ATG16L2: variants seen among roughly 807,000 people sequenced by gnomAD.
The protein encoded by ATG16L2 is protein Atg16l2.
A neutral mutation model predicts 84.7 loss-of-function variants in ATG16L2; 77 were observed. The observed-to-expected ratio is 0.91, with a 90% CI of 0.76 to 1.10. The LOEUF (loss-of-function observed/expected upper bound fraction) is 1.10. ATG16L2 is among the 50% of genes least tolerant of loss of function. The pLI, the probability that ATG16L2 is intolerant of heterozygous loss-of-function variation, is 0.00. For missense variants in ATG16L2, 782 were observed against 817.6 expected (o/e 0.96, Z 0.53); for synonymous variants, 361 against 342.8 (o/e 1.05, Z -0.59).
rs528290577 is a variant in ATG16L2, at chr11:72,843,210, G to A, written c.*615G>A. ...TTCTGCTTCCGTGGAATTGCTGGAC[G>A]TGTGTGACCGACTGTCCAAAGCGGC... On this transcript the variant is annotated 3_prime_UTR_variant, in exon 6 of 6. Coordinates refer to the ATG16L2 transcript ENST00000534905. The A allele has an allele frequency of 2.9e-5, 47 of 1,614,008 alleles. No individual in the cohort carries two copies. The African/African-American group carries it at 3.7e-4, about 13-fold the overall frequency.
chr11:72,817,954 A>C, intron 3 of ATG16L2, 99 bp downstream of exon 3: 2 of 1,100,208 alleles, frequency 1.8e-6, no homozygotes, highest in Non-Finnish European at 2.6e-6. Context: ...CTCCAAGCCC[A>C]GTGCTGCAAG....
chr11:72,839,789 G>T (rs149313870), intron 5 of ATG16L2, among the ~76,000 whole-genome samples: 2 of 152,260 alleles, frequency 1.3e-5, no homozygotes, highest in East Asian at 3.9e-4. Flanking sequence ...GATCGGATTG[G>T]CAGTTATAAA....
intron 5 of ATG16L2, among the ~76,000 whole-genome samples, chr11:72,835,596 G>A (rs547722116): frequency 3.3e-5 from 5 of 152,136 alleles, no homozygotes; most frequent in Non-Finnish European, 7.3e-5. Context: ...AGACCTCCTG[G>A]CTCCTAAGTC....
intron 3 of ATG16L2, chr11:72,818,575 A>G (rs1360075772): frequency 1.3e-5 from 2 of 152,166 alleles, no homozygotes; most frequent in African/African-American, 4.8e-5. Context: ...TTTGGCCCAC[A>G]CCGTTTTGAG....
Position 72,816,713 on chromosome 11 carries a change from T to C in ATG16L2, c.119-15T>C. ...ATCTGTCTCTGCCCCAGGCTCACTC[T>C]CTTGCACTCTCCAGATAACCATCTC... On this transcript the variant is annotated splice_polypyrimidine_tract_variant and intron_variant, in intron 1 of 17. Coordinates refer to ENST00000321297, the MANE Select transcript of ATG16L2 (RefSeq NM_033388.2). The C allele has an allele frequency of 6.2e-7, 1 of 1,608,890 alleles. No individual in the cohort carries two copies.
At chr11:72,840,489 G>A (rs1412221568) in intron 5 of ATG16L2, among the ~76,000 whole-genome samples, 2 of 152,150 alleles carry the variant, frequency 1.3e-5, no homozygotes, top group Non-Finnish European at 2.9e-5. Context: ...GCTCTTTAAG[G>A]CCATGAAGTT....
chr11:72,824,853 A>T lies in ATG16L2; in HGVS notation c.996+11A>T. 2 of 1,571,164 alleles carry T rather than the reference A, an allele frequency of 1.3e-6. No individual in the cohort carries two copies. The highest frequency in any genetic ancestry group is 1.7e-6 in the Non-Finnish European group (2 of 1,158,664). ...GCTCAGGATGTGCTGGTAAGGGAGG[A>T]GCTGAGCCACATGGGTGGGGCAGTG... is the stretch of plus-strand genomic sequence containing the variant. On this transcript the variant is annotated intron_variant, in intron 9 of 17. Transcript: ENST00000321297.
At position 72,817,154 on chromosome 11, in the gene ATG16L2, A is replaced by T. The variant is rs372434092; in HGVS notation, c.218+327A>T. Among the ~76,000 whole-genome samples the T allele has an allele frequency of 1.7e-4, 26 of 152,156 alleles. No individual in the cohort carries two copies. In the South Asian group the frequency reaches 5.4e-3, roughly 32 times the overall value. On this transcript the variant is annotated intron_variant, in intron 2 of 17. Coordinates refer to ENST00000321297, the MANE Select transcript of ATG16L2 (RefSeq NM_033388.2). ...TTTCCCTGTTCCTTGCCTGATGCCT[A>T]AAGAAAGGGTCTTGCTACCTGTTGC...
At position 72,816,763 on chromosome 11, in the gene ATG16L2, A is replaced by T. The variant is rs756268984; in HGVS notation, c.154A>T (p.Lys52Ter). ...CTTAGAGAAGGCTGAGCTGCTGGAC[A>T]AGTTCTCAAAGAAGCTGCAGCCGGA... ...HLLEKAELLD[K>*]FSKKLQPEPN... is the part of the protein sequence containing the mutation. The change falls in exon 2 of 18, where the codon AAG becomes TAG. Residue 52 changes from lysine (K) to a stop codon, truncating the protein, a stop_gained. Coordinates refer to ENST00000321297, the MANE Select transcript of ATG16L2 (RefSeq NM_033388.2). LOFTEE classifies it high-confidence loss of function. The T allele has an allele frequency of 1.9e-6, 3 of 1,614,192 alleles. No individual in the cohort carries two copies. The East Asian group carries it at 6.7e-5, about 36-fold the overall frequency.
chr11:72,821,686 G>T lies in ATG16L2; in HGVS notation c.337G>T (p.Glu113Ter). The T allele has an allele frequency of 6.5e-7, 1 of 1,537,026 alleles. No homozygotes were observed. The highest frequency in any genetic ancestry group is 1.2e-5 in the South Asian group (1 of 83,912). Residue 113 changes from glutamate to a stop codon, truncating the protein, a stop_gained, in exon 4 of 18, where the codon GAG (glutamate) becomes TAG (stop). Coordinates refer to ENST00000321297, the MANE Select transcript of ATG16L2 (RefSeq NM_033388.2). LOFTEE classifies it high-confidence loss of function. ...VCGEMAYQVV[E>*]KGAALGTLES... The stretch of plus-strand genomic sequence containing the variant: ...CCCCCAGATGGCCTACCAGGTGGTG[G>T]AGAAGGGCGCGGCCCTGGGCACGCT...
At chr11:72,839,904 G>A (rs1860857800) in intron 5 of ATG16L2, among the ~76,000 whole-genome samples, 1 of 152,204 alleles carries the variant, frequency 6.6e-6, no homozygotes, top group Admixed American at 6.5e-5. Flanking sequence ...CCCAGTGACA[G>A]AACCATGAGA....
chr11:72,829,577 G>T lies in ATG16L2; in HGVS notation c.*187G>T. On this transcript the variant is annotated 3_prime_UTR_variant, in exon 18 of 18. Coordinates refer to ENST00000321297, the MANE Select transcript of ATG16L2 (RefSeq NM_033388.2). ...TGGGGGATTACGCTAGTTTTTCTTT[G>T]TATTTTTATCTCTATCTCCTCACTT... 7.5e-7 allele frequency: 1 copy of T among 1,339,030 alleles called. No homozygotes were observed. The highest frequency in any genetic ancestry group is 9.5e-7 in the Non-Finnish European group (1 of 1,047,708). 82.9% of individuals were successfully genotyped at this position (1,339,030 alleles called of 1,614,324 possible). A position where few individuals can be genotyped will look rare whatever the true frequency, so the allele number is the denominator to read the frequency against.
intron 1 of ATG16L2, among the ~76,000 whole-genome samples, chr11:72,814,903 G>A (rs756832207): frequency 9.2e-5 from 14 of 152,236 alleles, no homozygotes; most frequent in Non-Finnish European, 1.9e-4. Context: ...CGGGGTAGGG[G>A]CTTGATCAGT....
At chr11:72,826,984 G>C (rs1395165060) in intron 13 of ATG16L2, 161 bp downstream of exon 13, 67 of 946,538 alleles carry the variant, frequency 7.1e-5, no homozygotes, top group Non-Finnish European at 9.8e-5. Flanking sequence ...GTATCCCCCA[G>C]TGGTGTTTTC....
chr11:72,830,668 A>G (rs1860587100), downstream of ATG16L2, among the ~76,000 whole-genome samples: 1 of 152,152 alleles, frequency 6.6e-6, no homozygotes, highest in Admixed American at 6.5e-5. Context: ...TCGTGTTCAC[A>G]AGTCCAATCC....
chr11:72,836,080 C>T (rs1355888124), intron 5 of ATG16L2, among the ~76,000 whole-genome samples: 3 of 152,308 alleles, frequency 2.0e-5, no homozygotes, highest in Admixed American at 2.0e-4. Context: ...GCAGTGTGTA[C>T]ACTTAAGAGT....
intron 8 of ATG16L2, 28 bp downstream of exon 8, chr11:72,824,150 C>A (rs1565266918): frequency 6.2e-7 from 1 of 1,613,936 alleles, no homozygotes; most frequent in African/African-American, 1.3e-5. Context: ...TGTGTGTGCA[C>A]CCACGTGTGT....
intron 9 of ATG16L2, 121 bp from the exon 10 acceptor site, chr11:72,825,181 G>C (rs1256928770): frequency 1.3e-6 from 1 of 741,014 alleles, no homozygotes; most frequent in African/African-American, 1.7e-5. Flanking sequence ...GAGAAACTGG[G>C]GAGGGAGATA....
chr11:72,841,560 G>A (rs749518810), intron 5 of ATG16L2: 23 of 1,609,254 alleles, frequency 1.4e-5, no homozygotes, highest in East Asian at 2.2e-5. Context: ...GCAGGGAGGC[G>A]TGTGGCTTGG....
Sources: allele counts gnomAD v4.1 joint callset (sites outside exome capture counted in the v4.1 genomes callset), GRCh38; gene constraint gnomAD v4.1.1; transcripts MANE v1.5; gene names NCBI Gene and HGNC (gene_info 2026-07-23, HGNC 2026-07-21).